Variants in GRIK4 observed in about 807,000 individuals in gnomAD.
The protein encoded by GRIK4 is glutamate ionotropic receptor kainate type subunit 4, also known as glutamate receptor ionotropic, kainate 4.
Under a neutral mutation model 104.9 loss-of-function variants are expected in GRIK4, and 40 were observed. The observed-to-expected ratio is 0.38, with a 90% CI of 0.30 to 0.50. The LOEUF (loss-of-function observed/expected upper bound fraction) is 0.50, where lower values mean the gene tolerates loss of function less well. Among genes scored for constraint, GRIK4 ranks in the 20% least tolerant of loss-of-function variants. The pLI, the probability that GRIK4 is intolerant of heterozygous loss-of-function variation, is 0.93. For missense variants in GRIK4, 1,047 were observed against 1,308.1 expected (o/e 0.80, Z 3.08); for synonymous variants, 485 against 524.9 (o/e 0.92, Z 1.04).
chr11:120,656,344 T>A (rs1847881030), intron 2 of GRIK4, among the ~76,000 whole-genome samples: 1 of 152,242 alleles, frequency 6.6e-6, no homozygotes. Context: ...GTATCTTTTC[T>A]TGGGCACAGC....
chr11:120,916,157 T>C (rs1038434768), intron 13 of GRIK4, among the ~76,000 whole-genome samples: 8 of 152,320 alleles, frequency 5.3e-5, no homozygotes, highest in African/African-American at 1.4e-4. Flanking sequence ...CTCAACCCTC[T>C]TATCTGGAAA....
chr11:120,586,352 C>T (rs1328122688), intron 1 of GRIK4, among the ~76,000 whole-genome samples: 3 of 151,540 alleles, frequency 2.0e-5, no homozygotes, highest in Admixed American at 6.6e-5. Flanking sequence ...TTAGAGTAGC[C>T]GGGGGAAAGG....
At chr11:120,737,626 T>G (rs1291447890) in intron 3 of GRIK4, among the ~76,000 whole-genome samples, 1 of 152,070 alleles carries the variant, frequency 6.6e-6, no homozygotes, top group Non-Finnish European at 1.5e-5. Flanking sequence ...TAAAAGAGAG[T>G]TAGAAGACAT....
intron 3 of GRIK4, among the ~76,000 whole-genome samples, chr11:120,683,623 C>G (rs1027910490): frequency 6.6e-6 from 1 of 152,022 alleles, no homozygotes; most frequent in African/African-American, 2.4e-5. Context: ...GCATGGTGAG[C>G]CCAGGACTGA....
chr11:120,630,962 G>A (rs1949326183), intron 1 of GRIK4, among the ~76,000 whole-genome samples: 1 of 152,242 alleles, frequency 6.6e-6, no homozygotes, highest in African/African-American at 2.4e-5. Flanking sequence ...GTTAAGAATG[G>A]TGGGCTGCAC....
intron 14 of GRIK4, among the ~76,000 whole-genome samples, chr11:120,944,754 C>T (rs1943815512): frequency 6.6e-6 from 1 of 152,224 alleles, no homozygotes. Context: ...GAGTGAGAAC[C>T]ATGGACTCTG....
chr11:120,924,909 A>C (rs1433174003), intron 13 of GRIK4, among the ~76,000 whole-genome samples: 1 of 152,212 alleles, frequency 6.6e-6, no homozygotes, highest in Non-Finnish European at 1.5e-5. Context: ...ATTCCTGAGA[A>C]AATGCCCTGC....
chr11:120,764,656 G>T (rs891735420), intron 3 of GRIK4, among the ~76,000 whole-genome samples: 1 of 151,900 alleles, frequency 6.6e-6, no homozygotes, highest in Non-Finnish European at 1.5e-5. Flanking sequence ...GCCTGGTGGT[G>T]ATAAAATCCC....
intron 3 of GRIK4, among the ~76,000 whole-genome samples, chr11:120,706,951 A>G (rs1950641881): frequency 6.6e-6 from 1 of 152,196 alleles, no homozygotes; most frequent in Admixed American, 6.5e-5. Flanking sequence ...GTGACCTGAT[A>G]CCATGTCAGG....
intron 11 of GRIK4, among the ~76,000 whole-genome samples, chr11:120,889,753 T>C (rs1303250231): frequency 6.6e-6 from 1 of 151,948 alleles, no homozygotes; most frequent in Non-Finnish European, 1.5e-5. Flanking sequence ...TACAGGCATG[T>C]GCCACTACTC....
At chr11:120,975,506 G>A (rs1166598947) in intron 19 of GRIK4, among the ~76,000 whole-genome samples, 3 of 152,188 alleles carry the variant, frequency 2.0e-5, no homozygotes, top group Non-Finnish European at 4.4e-5. Flanking sequence ...GTGGCCCCAT[G>A]AGTCTGCAAC....
At position 120,924,935 on chromosome 11, in the gene GRIK4, T is replaced by C. The variant is rs576830222; in HGVS notation, c.1477-15412T>C. On this transcript the variant is annotated intron_variant, in intron 13 of 20. Transcript: ENST00000527524. Reference sequence around the variant, plus strand: ...AATGCCCTGCTGCCCTTTGCAGTGGTTTCAACGTGTGCACATACTGATAGG... The same window carrying C: ...AATGCCCTGCTGCCCTTTGCAGTGGCTTCAACGTGTGCACATACTGATAGG... 5.9e-5 allele frequency among the ~76,000 whole-genome samples: 9 copies of C among 152,294 alleles called. No individual in the cohort carries two copies. The East Asian group carries it at 1.5e-3, about 26-fold the overall frequency.
chr11:120,913,461 G>A (rs533760480), intron 13 of GRIK4, among the ~76,000 whole-genome samples: 22 of 151,710 alleles, frequency 1.5e-4, no homozygotes, highest in Non-Finnish European at 2.2e-4. Flanking sequence ...TACCCTGGAA[G>A]GTACAACAGC....
intron 3 of GRIK4, among the ~76,000 whole-genome samples, chr11:120,749,931 A>G (rs1951517558): frequency 1.3e-5 from 2 of 152,188 alleles, no homozygotes; most frequent in Non-Finnish European, 2.9e-5. Flanking sequence ...TTTTCTATGT[A>G]TGCAAGAACC....
At chr11:120,568,194 A>ACAAT (rs1421043501) in intron 1 of GRIK4, among the ~76,000 whole-genome samples, 1 of 152,084 alleles carries the variant, frequency 6.6e-6, no homozygotes, top group African/African-American at 2.4e-5. Flanking sequence ...AAACAAACAA[A>ACAAT]CAAACAAAAC....
chr11:120,612,585 G>A (rs1210331087), intron 1 of GRIK4, among the ~76,000 whole-genome samples: 5 of 152,108 alleles, frequency 3.3e-5, no homozygotes, highest in African/African-American at 4.8e-5. Flanking sequence ...ATGATGAAAC[G>A]TATAGCATGT....
chr11:120,566,910 T>C (rs1221636688), intron 1 of GRIK4, among the ~76,000 whole-genome samples: 1 of 151,670 alleles, frequency 6.6e-6, no homozygotes, highest in Admixed American at 6.6e-5. Context: ...GGTCTCACCA[T>C]GTTGGCCAGG....
intron 13 of GRIK4, among the ~76,000 whole-genome samples, chr11:120,935,450 TGA>T (rs2134624899): frequency 6.6e-6 from 1 of 152,222 alleles, no homozygotes; most frequent in Non-Finnish European, 1.5e-5. Flanking sequence ...CTTGGGAGGC[TGA>T]GACAGGAGAA....
chr11:120,971,144 G>A (rs1944468502), intron 19 of GRIK4, among the ~76,000 whole-genome samples: 1 of 152,196 alleles, frequency 6.6e-6, no homozygotes, highest in Admixed American at 6.5e-5. Flanking sequence ...TTTAAGTAGT[G>A]TCCCCAAGCT....
Sources: gnomAD v4.1 joint callset for allele counts (sites outside exome capture counted in the v4.1 genomes callset) on GRCh38, gnomAD v4.1.1 for gene constraint, MANE v1.5 for transcripts, NCBI Gene and HGNC (gene_info 2026-07-23, HGNC 2026-07-21) for gene names.